The following PSMD9 variants were observed in gnomAD, a reference collection of about 807,000 sequenced individuals.
PSMD9 encodes proteasome 26S subunit, non-ATPase 9.
Under a neutral mutation model 25.9 loss-of-function variants are expected in PSMD9, and 26 were observed. The observed-to-expected ratio is 1.00, with a 90% CI of 0.73 to 1.39. The LOEUF is 1.39. Ranked by LOEUF, PSMD9 falls within the 40% of genes most tolerant of loss-of-function variation. The pLI is 0.00. For missense variants in PSMD9, 303 were observed against 299.3 expected, an observed-to-expected ratio of 1.01 and a Z score of -0.09; for synonymous variants, 110 against 114.5, an observed-to-expected ratio of 0.96 and a Z score of 0.25.
intron 1 of PSMD9, among the ~76,000 whole-genome samples, chr12:121,892,787 C>T (rs558768113): frequency 3.3e-5 from 5 of 152,122 alleles, no homozygotes; most frequent in East Asian, 1.9e-4. Flanking sequence ...TGAGACAGAT[C>T]GCTTGAACCC....
intron 3 of PSMD9, among the ~76,000 whole-genome samples, chr12:121,900,488 C>T (rs1205118514): frequency 2.7e-5 from 4 of 150,726 alleles, no homozygotes; most frequent in Non-Finnish European, 5.9e-5. Flanking sequence ...GTCAGGAGTT[C>T]GAGACCAACC....
At chr12:121,912,482 T>C (rs1411907396) in intron 4 of PSMD9, among the ~76,000 whole-genome samples, 1 of 152,108 alleles carries the variant, frequency 6.6e-6, no homozygotes, top group Admixed American at 6.6e-5. Flanking sequence ...TAGAATCTCA[T>C]TGTGGTTTTG....
At position 121,917,759 on chromosome 12, in the gene PSMD9, CTG is replaced by C. The variant is rs1487303947; in HGVS notation, c.*1452_*1453del. The C allele has an allele frequency of 1.3e-5, 2 of 152,272 alleles. No individual in the cohort carries two copies. The highest frequency in any genetic ancestry group is 2.9e-5 in the Non-Finnish European group (2 of 68,048). 9.4% of individuals were successfully genotyped at this position (152,272 alleles called of 1,614,324 possible). On this transcript the variant is annotated 3_prime_UTR_variant, in exon 6 of 6. Coordinates refer to ENST00000541212, the MANE Select transcript of PSMD9 (RefSeq NM_002813.7). ...TTCCCCTCTGGTAGCCACAGACATG[CTG>C]TGTTTACCAATGTTTGCTGTTTAAA... is the stretch of plus-strand genomic sequence containing the variant.
chr12:121,900,625 A>T (rs969533262), intron 3 of PSMD9, among the ~76,000 whole-genome samples: 1 of 150,934 alleles, frequency 6.6e-6, no homozygotes, highest in African/African-American at 2.4e-5. Flanking sequence ...TAAAGTCCGT[A>T]TACAGTTTAG....
chr12:121,889,063 A>G (rs1308163351), intron 1 of PSMD9, 69 bp downstream of exon 1: 2 of 1,521,910 alleles, frequency 1.3e-6, no homozygotes, highest in Non-Finnish European at 8.9e-7. Context: ...CTGGGATGCC[A>G]GGGCGGCCTC....
At chr12:121,902,864 C>T (rs541257869) in intron 3 of PSMD9, 142 bp from the exon 4 acceptor site, 45 of 654,208 alleles carry the variant, frequency 6.9e-5, no homozygotes, top group African/African-American at 4.7e-4. Flanking sequence ...GAGGTGTCTA[C>T]ATCCCTGACC....
intron 4 of PSMD9, chr12:121,910,869 A>T: frequency 2.3e-6 from 1 of 439,236 alleles, no homozygotes; most frequent in Non-Finnish European, 4.6e-6. Flanking sequence ...CCCATCTCCA[A>T]AACTTTTTCA....
chr12:121,892,507 T>C (rs757073663), intron 1 of PSMD9, among the ~76,000 whole-genome samples: 61 of 152,144 alleles, frequency 4.0e-4, no homozygotes, highest in Non-Finnish European at 8.5e-4. Flanking sequence ...GAGACCATCC[T>C]GGTTAACACG....
At chr12:121,891,130 A>G (rs1879061337) in intron 1 of PSMD9, among the ~76,000 whole-genome samples, 1 of 146,872 alleles carries the variant, frequency 6.8e-6, no homozygotes, top group Non-Finnish European at 1.5e-5. Flanking sequence ...CAGGCCTACA[A>G]AAAATTTTTT....
chr12:121,897,885 C>T (rs1220681251), intron 2 of PSMD9: 2 of 152,182 alleles, frequency 1.3e-5, no homozygotes, highest in Non-Finnish European at 2.9e-5. Flanking sequence ...TTTTGAAATA[C>T]ACTGCAGAAA....
rs1879699178 is a variant in PSMD9, at chr12:121,910,853, C to T, written c.556-5003C>T. On this transcript the variant is annotated intron_variant, in intron 4 of 5. Transcript: ENST00000541212. ...ATTATTTTGCAAATATCACCCCTACCCATCTCCCATCTCCAAAACTTTTTC... is the reference window on the plus strand; with the variant it reads ...ATTATTTTGCAAATATCACCCCTACTCATCTCCCATCTCCAAAACTTTTTC... The T allele has an allele frequency of 7.0e-6, 3 of 428,706 alleles. No individual in the cohort carries two copies. The East Asian group carries it at 2.1e-4, about 31-fold the overall frequency. 26.6% of individuals were successfully genotyped at this position (428,706 alleles called of 1,614,324 possible). A position where few individuals can be genotyped will look rare whatever the true frequency, so the allele number is the denominator to read the frequency against.
chr12:121,899,765 G>A lies in PSMD9; in HGVS notation c.373G>A (p.Gly125Ser). 1 of 1,614,074 alleles carries A rather than the reference G, an allele frequency of 6.2e-7. No homozygotes were observed. Among genetic ancestry groups the A allele is most frequent in the Non-Finnish European group, 8.5e-7 (1 of 1,179,956 alleles). ...CAAAGAGGCCATGAGCCGCAAACTGGGTCAGAGTGAGAGCCAGGGCCCTCC... is the reference window on the plus strand; with the variant it reads ...CAAAGAGGCCATGAGCCGCAAACTGAGTCAGAGTGAGAGCCAGGGCCCTCC... The part of the protein sequence containing the change: ...AHKEAMSRKL[G>S]QSESQGPPRA... Residue 125 changes from glycine to serine, a missense_variant, in exon 3 of 6, where the codon GGT (glycine) becomes AGT (serine). By Grantham distance (56) the Gly-to-Ser change is moderately conservative. Coordinates refer to ENST00000541212, the MANE Select transcript of PSMD9 (RefSeq NM_002813.7).
intron 4 of PSMD9, among the ~76,000 whole-genome samples, chr12:121,907,658 T>C (rs1029012093): frequency 2.6e-5 from 4 of 152,214 alleles, no homozygotes; most frequent in African/African-American, 9.6e-5. Flanking sequence ...ACTAAATACA[T>C]TGAATATACT....
chr12:121,890,833 T>A (rs753756564), intron 1 of PSMD9, among the ~76,000 whole-genome samples: 7 of 152,062 alleles, frequency 4.6e-5, no homozygotes, highest in Non-Finnish European at 1.0e-4. Flanking sequence ...GATAATCTCT[T>A]CTCTTAAATA....
At chr12:121,913,592 A>G (rs1293207235) in intron 4 of PSMD9, among the ~76,000 whole-genome samples, 1 of 150,360 alleles carries the variant, frequency 6.7e-6, no homozygotes, top group Non-Finnish European at 1.5e-5. Context: ...TCTGGGCTCA[A>G]GTGATCCTCC....
In PSMD9 at chr12:121,894,844, G is replaced by T. The variant is rs748141328; in HGVS notation, c.241+3G>T. The T allele has an allele frequency of 1.9e-6, 3 of 1,611,842 alleles. No individual in the cohort carries two copies. The Admixed American group carries it at 5.0e-5, about 27-fold the overall frequency. On this transcript the variant is annotated splice_donor_region_variant and intron_variant, in intron 2 of 5. Transcript: ENST00000541212. ...CACCGCCAGGCACAACATCATATGT[G>T]AGTGGCCCTCTTAGAAGACTTTCCC...
intron 1 of PSMD9, among the ~76,000 whole-genome samples, chr12:121,890,624 C>G (rs1357102151): frequency 1.3e-5 from 2 of 151,964 alleles, no homozygotes; most frequent in Admixed American, 6.6e-5. Flanking sequence ...CGTGCCACCA[C>G]GCCCAGCTAA....
At chr12:121,893,331 G>A (rs1879141639) in intron 1 of PSMD9, among the ~76,000 whole-genome samples, 1 of 152,164 alleles carries the variant, frequency 6.6e-6, no homozygotes. Flanking sequence ...TAACCCGGAG[G>A]CTTCCAGAGA....
intron 1 of PSMD9, chr12:121,894,400 C>T: frequency 4.7e-6 from 1 of 214,632 alleles, no homozygotes; most frequent in Non-Finnish European, 9.5e-6. Context: ...AGCCAGGTGT[C>T]AGCCACCTGT....
Sources: gnomAD v4.1 joint callset for allele counts (sites outside exome capture counted in the v4.1 genomes callset) on GRCh38, gnomAD v4.1.1 for gene constraint, MANE v1.5 for transcripts, NCBI Gene and HGNC (gene_info 2026-07-23, HGNC 2026-07-21) for gene names.